Variants in RFFL observed in about 807,000 individuals in gnomAD.
RFFL encodes the protein E3 ubiquitin-protein ligase rififylin.
RFFL carries 16 observed loss-of-function variants against 40.4 expected under a neutral mutation model. That is an observed-to-expected ratio of 0.40 (90% CI 0.27 to 0.60). The LOEUF is 0.60. Among genes scored for constraint, RFFL ranks in the 20% least tolerant of loss-of-function variants. RFFL has a pLI of 0.47. For missense variants in RFFL, 367 were observed against 451.7 expected (o/e 0.81, Z 1.70); for synonymous variants, 154 against 167.9 (o/e 0.92, Z 0.64).
intron 3 of RFFL, among the ~76,000 whole-genome samples, chr17:35,019,302 G>T (rs909868925): frequency 2.6e-5 from 4 of 152,170 alleles, no homozygotes; most frequent in African/African-American, 9.7e-5. Flanking sequence ...ACCTTTAGGT[G>T]CAATCTGGAA....
upstream of RFFL, among the ~76,000 whole-genome samples, chr17:35,066,599 A>G (rs1440191931): frequency 1.3e-5 from 2 of 152,230 alleles, no homozygotes; most frequent in Non-Finnish European, 2.9e-5. Flanking sequence ...AAAATTTTAA[A>G]GTTTGTATCA....
rs1432400982 is a variant in RFFL at position 35,010,613 on chromosome 17, G to T, written c.*1355C>A. 1.3e-5 allele frequency: 2 copies of T among 152,268 alleles called. No homozygotes were observed. Among genetic ancestry groups the T allele is most frequent in the Non-Finnish European group, 2.9e-5 (2 of 68,142 alleles). The allele number at this position is 152,268 out of a possible 1,614,324, so 9.4% of individuals were successfully genotyped here. ...CTAAAAATACAAAAATTAGCCTGGTGTGGTGGTGGGCGCCTATAATCCCAG... is the reference window on the plus strand; with the variant it reads ...CTAAAAATACAAAAATTAGCCTGGTTTGGTGGTGGGCGCCTATAATCCCAG... On this transcript the variant is annotated 3_prime_UTR_variant, in exon 7 of 7. Coordinates refer to ENST00000394597, the MANE Select transcript of RFFL (RefSeq NM_001017368.2).
chr17:35,010,756 A>AC lies in RFFL; in HGVS notation c.*1211_*1212insG, dbSNP rs2142309770. On this transcript the variant is annotated 3_prime_UTR_variant, in exon 7 of 7. Transcript: ENST00000394597. The stretch of plus-strand genomic sequence containing the variant: ...AACAGAGTGAGACTCAAAAAAAAAA[A>AC]AAAAATGCTTTCTCCCTGACCTGCC... The AC allele has an allele frequency of 6.6e-6, 1 of 151,878 alleles. No homozygotes were observed. Among genetic ancestry groups the AC allele is most frequent in the Admixed American group, 6.6e-5 (1 of 15,238 alleles). 9.4% of individuals were successfully genotyped at this position (151,878 alleles called of 1,614,324 possible).
At chr17:35,028,014 CAA>C (rs766315041) in intron 1 of RFFL, among the ~76,000 whole-genome samples, 1 of 149,236 alleles carries the variant, frequency 6.7e-6, no homozygotes, top group Non-Finnish European at 1.5e-5. Flanking sequence ...GCCTGGGTGA[CAA>C]GAGCAAAACT....
At chr17:35,067,116 AT>A (rs542174092), upstream of RFFL, among the ~76,000 whole-genome samples, 1,846 of 138,968 alleles carry the variant, frequency 0.013, 11 homozygotes, top group Middle Eastern at 0.11. Flanking sequence ...CAGAAACTGA[AT>A]TTTTTTTTTT....
At chr17:35,082,106 T>C (rs2091405427) in intron 1 of RFFL, among the ~76,000 whole-genome samples, 1 of 152,208 alleles carries the variant, frequency 6.6e-6, no homozygotes, top group Non-Finnish European at 1.5e-5. Flanking sequence ...AAGCTGGTAT[T>C]GTACTAATCA....
intron 1 of RFFL, among the ~76,000 whole-genome samples, chr17:35,035,597 G>C (rs1334344515): frequency 6.6e-6 from 1 of 151,222 alleles, no homozygotes; most frequent in African/African-American, 2.4e-5. Flanking sequence ...GTTTGCCAAA[G>C]TCAGCCGACT....
chr17:35,046,024 C>CA (rs369019064), intron 1 of RFFL, among the ~76,000 whole-genome samples: 7,695 of 63,050 alleles, frequency 0.12, 620 homozygotes, highest in African/African-American at 0.31. Flanking sequence ...GACTCTGTCT[C>CA]AAAAAAAAAA....
At chr17:35,026,326 T>TG in intron 2 of RFFL, 48 bp downstream of exon 2, 1 of 1,591,566 alleles carries the variant, frequency 6.3e-7, no homozygotes, top group Non-Finnish European at 8.6e-7. Context: ...CGCTTGCCCA[T>TG]GGTCCATAGG....
chr17:35,069,179 TA>T, intron 1 of RFFL: 1 of 452,804 alleles, frequency 2.2e-6, no homozygotes, highest in Non-Finnish European at 4.5e-6. Flanking sequence ...TCTCTTCTCC[TA>T]ATACACACAC....
intron 3 of RFFL, among the ~76,000 whole-genome samples, chr17:35,019,735 G>GAA (rs879267571): frequency 7.2e-6 from 1 of 139,032 alleles, no homozygotes; most frequent in Non-Finnish European, 1.6e-5. Context: ...ACATAGAGTG[G>GAA]AAAAAAAAAA....
At position 35,038,059 on chromosome 17, in the gene RFFL, G is replaced by A. The variant is rs140994686; in HGVS notation, c.-8-11498C>T. ...TCCCAGCACTTTGGGAGGCTAAGTC[G>A]GACGGATCACCTGAGGTCAGAAGTT... On this transcript the variant is annotated intron_variant, in intron 1 of 6. Coordinates refer to ENST00000394597, the MANE Select transcript of RFFL (RefSeq NM_001017368.2). Among the ~76,000 whole-genome samples, 138 of 152,174 alleles carry A rather than the reference G, an allele frequency of 9.1e-4. 1 individual carries two copies. The Middle Eastern group carries it at 0.017, about 19-fold the overall frequency.
intron 5 of RFFL, 94 bp downstream of exon 5, chr17:35,016,276 G>T: frequency 1.9e-6 from 2 of 1,078,110 alleles, no homozygotes; most frequent in Non-Finnish European, 2.8e-6. Flanking sequence ...CATGGCTTAA[G>T]TGTGGAAATT....
At chr17:35,037,738 C>T (rs1293642601) in intron 1 of RFFL, among the ~76,000 whole-genome samples, 2 of 152,164 alleles carry the variant, frequency 1.3e-5, no homozygotes, top group East Asian at 1.9e-4. Flanking sequence ...GACCCTGAAG[C>T]GTACCCTCTT....
intron 1 of RFFL, among the ~76,000 whole-genome samples, chr17:35,048,358 C>T (rs373867771): frequency 5.9e-5 from 9 of 151,858 alleles, no homozygotes; most frequent in South Asian, 4.2e-4. Flanking sequence ...GCCGAGATCA[C>T]GCCACTGCAC....
Position 35,010,011 on chromosome 17 carries a change from T to TG in RFFL, c.*1956dup, listed in dbSNP as rs1382877538. 1 of 152,674 alleles carries TG rather than the reference T, an allele frequency of 6.5e-6. No homozygotes were observed. Among genetic ancestry groups the TG allele is most frequent in the Admixed American group, 6.5e-5 (1 of 15,286 alleles). 9.5% of individuals were successfully genotyped at this position (152,674 alleles called of 1,614,324 possible). The stretch of plus-strand genomic sequence containing the variant: ...TGATTCCCCCAACTCCTGCAAAGGC[T>TG]GTGGTTCAGAATCAAATCATCCAGG... On this transcript the variant is annotated 3_prime_UTR_variant, in exon 7 of 7. Coordinates refer to ENST00000394597, the MANE Select transcript of RFFL (RefSeq NM_001017368.2).
At chr17:35,059,462 A>C (rs2091279937) in intron 1 of RFFL, among the ~76,000 whole-genome samples, 1 of 151,466 alleles carries the variant, frequency 6.6e-6, no homozygotes, top group African/African-American at 2.4e-5. Context: ...CATATGGGAC[A>C]AAAAAAAATA....
chr17:35,055,557 G>T (rs1193396840), intron 1 of RFFL, among the ~76,000 whole-genome samples: 1 of 151,644 alleles, frequency 6.6e-6, no homozygotes, highest in Non-Finnish European at 1.5e-5. Context: ...CTGTAGTCTA[G>T]CTACTCAGGA....
In RFFL at chr17:35,021,437, G is replaced by A; in HGVS notation, c.525C>T (p.Pro175=). ...PHSSMVPPTS[P]NLPSSSAQAT... is the part of the protein sequence containing the mutation. The stretch of plus-strand genomic sequence containing the variant: ...CTTGTGCAGATGAAGAGGGGAGGTT[G>A]GGTGAGGTAGGTGGAACCATGCTGG... Residue 175 remains proline (P), a synonymous_variant, in exon 3 of 7, where the codon CCC becomes CCT. Coordinates refer to ENST00000394597, the MANE Select transcript of RFFL (RefSeq NM_001017368.2). The A allele has an allele frequency of 6.5e-7, 1 of 1,542,756 alleles. No homozygotes were observed. Among genetic ancestry groups the A allele is most frequent in the Non-Finnish European group, 8.7e-7 (1 of 1,148,064 alleles).
Sources: gnomAD v4.1 joint callset for allele counts (sites outside exome capture counted in the v4.1 genomes callset) on GRCh38, gnomAD v4.1.1 for gene constraint, MANE v1.5 for transcripts, NCBI Gene and HGNC (gene_info 2026-07-23, HGNC 2026-07-21) for gene names.